The following IRAK1BP1 variants were observed in gnomAD, a reference collection of about 807,000 sequenced individuals.
The protein encoded by IRAK1BP1 is interleukin-1 receptor-associated kinase 1-binding protein 1.
IRAK1BP1 carries 24 observed loss-of-function variants against 28.0 expected under a neutral mutation model. The observed-to-expected ratio is 0.86, with a 90% CI of 0.62 to 1.20. The LOEUF is 1.20. IRAK1BP1 is among the 50% of genes most tolerant of loss of function. The pLI is 0.00. For missense variants in IRAK1BP1, 336 were observed against 316.7 expected (o/e 1.06, Z -0.46); for synonymous variants, 131 against 116.3 (o/e 1.13, Z -0.81).
intron 2 of IRAK1BP1, among the ~76,000 whole-genome samples, chr6:78,896,216 A>G (rs1017321989): frequency 1.3e-5 from 2 of 152,240 alleles, no homozygotes; most frequent in South Asian, 2.1e-4. Flanking sequence ...TTCAAAAAAT[A>G]GAAACTGACA....
the IRAK1BP1 span, among the ~76,000 whole-genome samples, chr6:78,962,440 A>T: frequency 6.6e-6 from 1 of 152,170 alleles, no homozygotes; most frequent in South Asian, 2.1e-4. Flanking sequence ...ATTCCTATAA[A>T]GTGTTGGCAT....
intron 4 of IRAK1BP1, among the ~76,000 whole-genome samples, chr6:78,912,622 G>A (rs1772457002): frequency 6.6e-6 from 1 of 152,062 alleles, no homozygotes; most frequent in Admixed American, 6.5e-5. Context: ...TCAATAACAG[G>A]TTTGTTCCTA....
downstream of IRAK1BP1, chr6:78,903,113 A>G: frequency 7.2e-7 from 1 of 1,394,440 alleles, no homozygotes. Flanking sequence ...CTCTGAATGT[A>G]AGTTGGTTCA....
intron 1 of IRAK1BP1, among the ~76,000 whole-genome samples, chr6:78,876,106 G>T (rs1002300607): frequency 2.0e-5 from 3 of 152,126 alleles, no homozygotes; most frequent in Non-Finnish European, 2.9e-5. Flanking sequence ...TCAAGGGGGG[G>T]ATCTGATGGG....
chr6:78,913,257 C>A (rs1050409232), intron 4 of IRAK1BP1, among the ~76,000 whole-genome samples: 1 of 151,966 alleles, frequency 6.6e-6, no homozygotes, highest in Admixed American at 6.6e-5. Flanking sequence ...ATCCCTTGAA[C>A]CCTGGAGGCT....
chr6:78,972,541 G>C, the IRAK1BP1 span, among the ~76,000 whole-genome samples: 1 of 152,218 alleles, frequency 6.6e-6, no homozygotes, highest in Non-Finnish European at 1.5e-5. Flanking sequence ...TGACTTTGAT[G>C]AGCTGAGAGA....
chr6:78,918,569 C>A (rs1582043483), intron 4 of IRAK1BP1, among the ~76,000 whole-genome samples: 7 of 17,590 alleles, frequency 4.0e-4, no homozygotes, highest in East Asian at 4.6e-3. Flanking sequence ...GACTTTAAGC[C>A]AAAAACAGTA....
chr6:78,957,823 A>G, the IRAK1BP1 span: 1 of 152,030 alleles, frequency 6.6e-6, no homozygotes, highest in South Asian at 2.1e-4. Flanking sequence ...TAAGGAAGGG[A>G]AAGTACTTCT....
chr6:78,906,072 T>C (rs1772254000), downstream of IRAK1BP1, among the ~76,000 whole-genome samples: 1 of 152,162 alleles, frequency 6.6e-6, no homozygotes, highest in African/African-American at 2.4e-5. Context: ...ACATTACTTA[T>C]GAAGAAGAGA....
At chr6:78,930,719 G>T (rs919019099) in intron 4 of IRAK1BP1, among the ~76,000 whole-genome samples, 3 of 152,036 alleles carry the variant, frequency 2.0e-5, no homozygotes, top group African/African-American at 7.2e-5. Context: ...ATCACCTGAG[G>T]TCAGGAGTTT....
In IRAK1BP1 at chr6:78,943,126, T is replaced by C. The variant is rs560828514; in HGVS notation, c.*68-2282T>C. ...ATATAATGGGATAAATAAAATATTA[T>C]TAAAATTAACTTTACCTGTTTTTAC... is the stretch of plus-strand genomic sequence containing the variant. On this transcript the variant is annotated intron_variant and NMD_transcript_variant, in intron 4 of 4. Coordinates refer to the IRAK1BP1 transcript ENST00000606868. Among the ~76,000 whole-genome samples, 74 of 152,290 alleles carry C rather than the reference T, an allele frequency of 4.9e-4. 1 individual carries two copies. Among genetic ancestry groups the C allele is most frequent in the African/African-American group, 1.7e-3 (71 of 41,572 alleles).
At chr6:78,918,408 G>GA (rs1216149446) in intron 4 of IRAK1BP1, among the ~76,000 whole-genome samples, 1 of 151,644 alleles carries the variant, frequency 6.6e-6, no homozygotes, top group Non-Finnish European at 1.5e-5. Context: ...ACAAGTTGAA[G>GA]AAAAAAACAA....
intron 1 of IRAK1BP1, among the ~76,000 whole-genome samples, chr6:78,877,671 G>A (rs1021418189): frequency 5.3e-5 from 8 of 152,204 alleles, no homozygotes; most frequent in East Asian, 1.9e-4. Context: ...CCCATGGAGC[G>A]TGAGCCGAAG....
chr6:78,879,166 CAG>C (rs1482112605), intron 1 of IRAK1BP1, among the ~76,000 whole-genome samples: 3 of 151,942 alleles, frequency 2.0e-5, no homozygotes, highest in Non-Finnish European at 2.9e-5. Context: ...CACTTGGACA[CAG>C]GATGGGGAAC....
In IRAK1BP1 at chr6:78,902,682, A is replaced by C. The variant is rs1772142696; in HGVS notation, c.*4348A>C. On this transcript the variant is annotated 3_prime_UTR_variant, in exon 4 of 4. Coordinates refer to ENST00000369940, the MANE Select transcript of IRAK1BP1 (RefSeq NM_001010844.4). The stretch of plus-strand genomic sequence containing the variant: ...GCTACCGGGGAGGCTGAAGCAGAAG[A>C]AACGCTCGAACCTGGGAGGCAGAGC... 4.2e-6 allele frequency: 1 copy of C among 235,378 alleles called. No homozygotes were observed. 14.6% of individuals were successfully genotyped at this position (235,378 alleles called of 1,614,324 possible).
At chr6:78,971,307 TGG>T in the IRAK1BP1 span, among the ~76,000 whole-genome samples, 3 of 152,250 alleles carry the variant, frequency 2.0e-5, no homozygotes, top group Admixed American at 2.0e-4. Context: ...ACACAAATCC[TGG>T]TAAGACAGCA....
At chr6:78,956,833 C>T in the IRAK1BP1 span, 1 of 152,022 alleles carries the variant, frequency 6.6e-6, no homozygotes. Flanking sequence ...AACTTTTATA[C>T]AATTCTCTTA....
the IRAK1BP1 span, chr6:78,961,592 C>T: frequency 1.7e-6 from 2 of 1,167,810 alleles, no homozygotes; most frequent in Non-Finnish European, 2.5e-6. Flanking sequence ...ATGTGCATTC[C>T]TATATACAAA....
intron 4 of IRAK1BP1, among the ~76,000 whole-genome samples, chr6:78,909,532 G>A (rs1391844468): frequency 2.6e-5 from 4 of 152,286 alleles, no homozygotes; most frequent in East Asian, 3.9e-4. Flanking sequence ...ATTCCAAGCC[G>A]AAAAGCTGGG....
Sources: gnomAD v4.1 joint callset for allele counts (sites outside exome capture counted in the v4.1 genomes callset) on GRCh38, gnomAD v4.1.1 for gene constraint, MANE v1.5 for transcripts, NCBI Gene and HGNC (gene_info 2026-07-23, HGNC 2026-07-21) for gene names.